CFDP1: variants seen among roughly 807,000 people sequenced by gnomAD.
The protein encoded by CFDP1 is chromatin remodeling protein CFDP1.
In CFDP1, 31 loss-of-function variants were observed where a neutral mutation model predicts 40.1. The observed-to-expected ratio is 0.77, with a 90% CI of 0.58 to 1.04. The LOEUF is 1.04. Ranked by LOEUF, CFDP1 falls within the 50% of genes least tolerant of loss-of-function variation. The pLI, the probability that CFDP1 is intolerant of heterozygous loss-of-function variation, is 0.00. For missense variants in CFDP1, 423 were observed against 343.4 expected (o/e 1.23, Z -1.83); for synonymous variants, 167 against 120.0 (o/e 1.39, Z -2.56).
At chr16:75,322,535 G>A (rs148055226) in intron 5 of CFDP1, among the ~76,000 whole-genome samples, 278 of 152,252 alleles carry the variant, frequency 1.8e-3, no homozygotes, top group African/African-American at 6.4e-3. Flanking sequence ...ACTAAGTACT[G>A]TAGGCAACTG....
chr16:75,367,811 A>C (rs1273493397), intron 5 of CFDP1, among the ~76,000 whole-genome samples: 1 of 146,796 alleles, frequency 6.8e-6, no homozygotes, highest in Non-Finnish European at 1.5e-5. Context: ...AAAAAAAAAA[A>C]CTTAACAGCC....
At chr16:75,385,184 T>C (rs529360943) in intron 5 of CFDP1, among the ~76,000 whole-genome samples, 1 of 152,166 alleles carries the variant, frequency 6.6e-6, no homozygotes, top group East Asian at 1.9e-4. Flanking sequence ...TTCAAAGATA[T>C]TATTCCAGGC....
chr16:75,353,424 A>G (rs1475136458), intron 5 of CFDP1, among the ~76,000 whole-genome samples: 2 of 152,144 alleles, frequency 1.3e-5, no homozygotes, highest in African/African-American at 4.8e-5. Context: ...ATTTGCTTCA[A>G]AATCATATGT....
chr16:75,350,255 G>A (rs2078601439), intron 5 of CFDP1, among the ~76,000 whole-genome samples: 1 of 152,160 alleles, frequency 6.6e-6, no homozygotes. Flanking sequence ...GTGGGTATAT[G>A]CACAGAATTG....
At chr16:75,369,409 C>CA (rs1287323002) in intron 5 of CFDP1, among the ~76,000 whole-genome samples, 1 of 151,294 alleles carries the variant, frequency 6.6e-6, no homozygotes, top group Non-Finnish European at 1.5e-5. Context: ...AAACAACCCA[C>CA]AAAAAAACAA....
chr16:75,336,980 T>A (rs1416523566), intron 5 of CFDP1, among the ~76,000 whole-genome samples: 1 of 152,240 alleles, frequency 6.6e-6, no homozygotes. Flanking sequence ...GGGGATCTTA[T>A]GGAAATCTGC....
intron 1 of CFDP1, among the ~76,000 whole-genome samples, chr16:75,419,476 T>C (rs1036702565): frequency 1.4e-4 from 21 of 152,232 alleles, no homozygotes; most frequent in African/African-American, 5.1e-4. Flanking sequence ...ACAGTAGTAG[T>C]TTAGGCAAGG....
At chr16:75,421,769 T>C (rs1196253080) in intron 1 of CFDP1, among the ~76,000 whole-genome samples, 1 of 152,062 alleles carries the variant, frequency 6.6e-6, no homozygotes, top group Non-Finnish European at 1.5e-5. Flanking sequence ...CAGATCGATA[T>C]CCCTCATAAA....
At chr16:75,363,145 A>C (rs1054276231) in intron 5 of CFDP1, 1 of 152,144 alleles carries the variant, frequency 6.6e-6, no homozygotes, top group African/African-American at 2.4e-5. Flanking sequence ...GTCAGGTTTG[A>C]CAAATCCAAC....
rs147393019 is a variant in CFDP1, at chr16:75,373,128, C to A, written c.650+21962G>T. On this transcript the variant is annotated intron_variant, in intron 5 of 6. Coordinates refer to ENST00000283882, the MANE Select transcript of CFDP1 (RefSeq NM_006324.3). The stretch of plus-strand genomic sequence containing the variant: ...AGCTACTCCCATCTGTCTACTTTCC[C>A]TCCTTCCCCTAAAAGCTACTTAAGT... Among the ~76,000 whole-genome samples, 851 of 152,318 alleles carry A rather than the reference C, an allele frequency of 5.6e-3. 5 individuals carry two copies. The highest frequency in any genetic ancestry group is 0.01 in the Middle Eastern group (3 of 294).
In CFDP1 at chr16:75,364,140, C is replaced by CA. The variant is rs555956292; in HGVS notation, c.650+30949dup. Among the ~76,000 whole-genome samples, 455 of 106,410 alleles carry CA rather than the reference C, an allele frequency of 4.3e-3. 2 individuals carry two copies. The highest frequency in any genetic ancestry group is 0.012 in the African/African-American group (442 of 35,662). The allele number at this position is 106,410 out of a possible 152,430, so 69.8% of individuals were successfully genotyped here. A position where few individuals can be genotyped will look rare whatever the true frequency, so the allele number is the denominator to read the frequency against. On this transcript the variant is annotated intron_variant, in intron 5 of 6. Coordinates refer to ENST00000283882, the MANE Select transcript of CFDP1 (RefSeq NM_006324.3). ...ATTAAAAAAACAAAACAAAACAAAACAAACAAACAAACAAAAAAAACTATT... is the reference window on the plus strand; with the variant it reads ...ATTAAAAAAACAAAACAAAACAAAACAAAACAAACAAACAAAAAAAACTATT...
intron 5 of CFDP1, among the ~76,000 whole-genome samples, chr16:75,328,935 C>G (rs1452372343): frequency 6.6e-6 from 1 of 150,988 alleles, no homozygotes. Flanking sequence ...GAACCTCCAC[C>G]TCCTGGGTTC....
In CFDP1 at chr16:75,358,617, T is replaced by C. The variant is rs529045848; in HGVS notation, c.650+36473A>G. 1.4e-3 allele frequency among the ~76,000 whole-genome samples: 214 copies of C among 152,318 alleles called. 2 individuals carry two copies. In the South Asian group the frequency reaches 0.019, roughly 14 times the overall value. ...CAACCAAATTACAAGCTGAATTACCTACTTTTCCCCCATGAACACCATTTT... is the reference window on the plus strand; with the variant it reads ...CAACCAAATTACAAGCTGAATTACCCACTTTTCCCCCATGAACACCATTTT... On this transcript the variant is annotated intron_variant, in intron 5 of 6. Transcript: ENST00000283882.
intron 5 of CFDP1, among the ~76,000 whole-genome samples, chr16:75,379,106 G>A (rs1178954768): frequency 6.6e-6 from 1 of 151,868 alleles, no homozygotes; most frequent in Non-Finnish European, 1.5e-5. Flanking sequence ...AGGGAAATGT[G>A]TAGTAAGAAA....
At chr16:75,354,844 C>T (rs1198804709) in intron 5 of CFDP1, among the ~76,000 whole-genome samples, 1 of 152,176 alleles carries the variant, frequency 6.6e-6, no homozygotes, top group African/African-American at 2.4e-5. Flanking sequence ...TTGTTAATCT[C>T]TTAATTTTGA....
chr16:75,429,864 T>G (rs909101364), intron 1 of CFDP1, among the ~76,000 whole-genome samples: 3 of 152,170 alleles, frequency 2.0e-5, no homozygotes, highest in African/African-American at 7.2e-5. Context: ...TGAAGAGAAT[T>G]ATTCTGTGCC....
intron 5 of CFDP1, among the ~76,000 whole-genome samples, chr16:75,343,812 C>T (rs924062435): frequency 6.6e-6 from 1 of 152,114 alleles, no homozygotes; most frequent in African/African-American, 2.4e-5. Context: ...AGGCTGATTT[C>T]CTAAGAAGGC....
intron 5 of CFDP1, among the ~76,000 whole-genome samples, chr16:75,378,107 A>C (rs959576774): frequency 2.6e-5 from 4 of 152,186 alleles, no homozygotes; most frequent in Non-Finnish European, 5.9e-5. Flanking sequence ...TTCTGACTGG[A>C]AAACAAGGCT....
intron 5 of CFDP1, chr16:75,394,764 A>G: frequency 6.3e-6 from 1 of 159,028 alleles, no homozygotes; most frequent in Non-Finnish European, 1.3e-5. Context: ...TCTGGGCTCA[A>G]GGGATCCTCC....
Sources: allele counts gnomAD v4.1 joint callset (sites outside exome capture counted in the v4.1 genomes callset), GRCh38; gene constraint gnomAD v4.1.1; transcripts MANE v1.5; gene names NCBI Gene and HGNC (gene_info 2026-07-23, HGNC 2026-07-21).